LARS2: variants seen among roughly 807,000 people sequenced by gnomAD.
LARS2 encodes the protein leucine--tRNA ligase, mitochondrial.
LARS2 carries 81 observed loss-of-function variants against 116.6 expected under a neutral mutation model. The observed-to-expected ratio is 0.69, with a 90% confidence interval of 0.58 to 0.84. LARS2 has a LOEUF of 0.84. LARS2 is among the 40% of genes least tolerant of loss of function. The probability of loss-of-function intolerance (pLI) is 0.00; values close to 1 mark genes in which losing one functional copy is unlikely to be tolerated. For missense variants in LARS2, 968 were observed against 1,114.5 expected (o/e 0.87, Z 1.87); for synonymous variants, 396 against 407.2 (o/e 0.97, Z 0.33).
chr3:45,535,770 C>A (rs2578667), intron 20 of LARS2, among the ~76,000 whole-genome samples: 84,235 of 126,274 alleles, frequency 0.67, 24,635 homozygotes, highest in East Asian at 0.81. Flanking sequence ...ACACACACCC[C>A]CACACCCACA....
chr3:45,481,385 G>T (rs1308769536), intron 10 of LARS2, among the ~76,000 whole-genome samples: 1 of 152,108 alleles, frequency 6.6e-6, no homozygotes, highest in Non-Finnish European at 1.5e-5. Context: ...TATACCTAGG[G>T]GTAGAATTGC....
rs920272451 is a variant in LARS2, at chr3:45,548,388, G to A, written c.*858G>A. ...AACCTCAGAGCCCCACCGCAGCCCA[G>A]TAGGGATGCAGCACGCCCCAGAGGG... On this transcript the variant is annotated 3_prime_UTR_variant, in exon 22 of 22. Transcript: ENST00000645846. The A allele has an allele frequency of 6.6e-6, 1 of 152,332 alleles. No homozygotes were observed. The highest frequency in any genetic ancestry group is 2.1e-4 in the South Asian group (1 of 4,836). The allele number at this position is 152,332 out of a possible 1,614,324, so 9.4% of individuals were successfully genotyped here.
intron 6 of LARS2, among the ~76,000 whole-genome samples, chr3:45,420,763 T>A (rs1284018807): frequency 1.3e-5 from 2 of 152,134 alleles, no homozygotes; most frequent in African/African-American, 4.8e-5. Flanking sequence ...TGTTGACTCC[T>A]TGAGGGCAAA....
intron 15 of LARS2, among the ~76,000 whole-genome samples, 180 bp from the exon 16 acceptor site, chr3:45,512,955 T>C (rs566324328): frequency 6.6e-6 from 1 of 152,322 alleles, no homozygotes; most frequent in South Asian, 2.1e-4. Flanking sequence ...ATTTATTTTC[T>C]TATCACTTAT....
chr3:45,534,878 G>A (rs781340341), intron 20 of LARS2, among the ~76,000 whole-genome samples: 1 of 152,144 alleles, frequency 6.6e-6, no homozygotes, highest in Non-Finnish European at 1.5e-5. Context: ...TGAAGCTTCG[G>A]ATCTGAGAAG....
chr3:45,440,121 G>C (rs1175068699), intron 6 of LARS2, among the ~76,000 whole-genome samples: 1 of 152,140 alleles, frequency 6.6e-6, no homozygotes, highest in Admixed American at 6.5e-5. Flanking sequence ...CTCTTCCAAC[G>C]CCGCAGGTGT....
chr3:45,524,808 A>G (rs1286417172), intron 20 of LARS2, among the ~76,000 whole-genome samples: 1 of 152,234 alleles, frequency 6.6e-6, no homozygotes, highest in Non-Finnish European at 1.5e-5. Flanking sequence ...ATCTCTCCTA[A>G]TTAAATTTAC....
Position 45,493,660 on chromosome 3 carries a change from G to A in LARS2, c.1523+1860G>A, listed in dbSNP as rs114861814. On this transcript the variant is annotated intron_variant, in intron 13 of 21. Transcript: ENST00000645846. ...TGAGATAATACTTCTGCGGTACTTG[G>A]CTCAGTTCCTACTACCCAGTATTAT... Among the ~76,000 whole-genome samples the A allele has an allele frequency of 2.1e-3, 313 of 152,180 alleles. 2 individuals are homozygous for A. Among genetic ancestry groups the A allele is most frequent in the Non-Finnish European group, 2.8e-3 (191 of 67,990 alleles).
At chr3:45,454,418 C>A (rs1044626091) in intron 7 of LARS2, among the ~76,000 whole-genome samples, 7 of 129,030 alleles carry the variant, frequency 5.4e-5, no homozygotes, top group African/African-American at 1.7e-4. Flanking sequence ...TAATGTTTAA[C>A]CCTTTAATAA....
In LARS2 at chr3:45,411,812, A is replaced by G. The variant is rs185678385; in HGVS notation, c.364-5670A>G. Among the ~76,000 whole-genome samples the G allele has an allele frequency of 8.1e-4, 123 of 152,244 alleles. 1 individual carries two copies. Among genetic ancestry groups the G allele is most frequent in the African/African-American group, 2.9e-3 (121 of 41,546 alleles). The stretch of plus-strand genomic sequence containing the variant: ...ACCCAGATACTAAGCCTAGTACCCA[A>G]TAGTTATTTTTTCTGCTCCTCTCCC... On this transcript the variant is annotated intron_variant, in intron 4 of 21. Coordinates refer to ENST00000645846, the MANE Select transcript of LARS2 (RefSeq NM_015340.4).
chr3:45,430,583 CTTTTTT>C (rs35964512), intron 6 of LARS2, among the ~76,000 whole-genome samples: 4 of 90,402 alleles, frequency 4.4e-5, no homozygotes, highest in African/African-American at 4.3e-5. Context: ...CCCGGCCAAT[CTTTTTT>C]TTTTTTTTTT....
chr3:45,505,497 G>T lies in LARS2; in HGVS notation c.1760+4918G>T, dbSNP rs183382194. Among the ~76,000 whole-genome samples, 22 of 151,634 alleles carry T rather than the reference G, an allele frequency of 1.5e-4. No individual in the cohort carries two copies. In the East Asian group the frequency reaches 4.1e-3, roughly 28 times the overall value. On this transcript the variant is annotated intron_variant, in intron 15 of 21. Transcript: ENST00000645846. ...GGCCATGAGTTTGAGACCAGCCTAG[G>T]CAACGTAGTGAGACTCCATCTGTTA...
At chr3:45,458,947 G>C (rs750718459) in intron 8 of LARS2, 61 bp downstream of exon 8, 127 of 1,559,192 alleles carry the variant, frequency 8.1e-5, no homozygotes, top group Non-Finnish European at 1.0e-4. Flanking sequence ...AACACCAAAG[G>C]CTTCTGGGTA....
intron 6 of LARS2, among the ~76,000 whole-genome samples, chr3:45,444,596 G>A (rs1334242737): frequency 1.5e-5 from 2 of 136,644 alleles, no homozygotes; most frequent in Non-Finnish European, 3.1e-5. Flanking sequence ...CCCGGGAGGC[G>A]GAGCTTGCAG....
chr3:45,488,858 C>G (rs1202400159), intron 12 of LARS2, 46 bp downstream of exon 12: 1 of 1,185,654 alleles, frequency 8.4e-7, no homozygotes, highest in Non-Finnish European at 1.3e-6. Context: ...CTTGATACGA[C>G]TTTGATAGAC....
chr3:45,458,346 G>C (rs1259921496), intron 7 of LARS2, among the ~76,000 whole-genome samples: 3 of 152,120 alleles, frequency 2.0e-5, no homozygotes, highest in Admixed American at 6.5e-5. Context: ...CAGAGTCATT[G>C]CATTTGCAGG....
chr3:45,451,136 T>C (rs2125706563), intron 7 of LARS2, among the ~76,000 whole-genome samples: 1 of 152,296 alleles, frequency 6.6e-6, no homozygotes, highest in South Asian at 2.1e-4. Flanking sequence ...GAATATTTTT[T>C]CCCCTTCTGT....
chr3:45,428,837 T>C (rs1370168998), intron 6 of LARS2, among the ~76,000 whole-genome samples: 1 of 152,078 alleles, frequency 6.6e-6, no homozygotes, highest in Non-Finnish European at 1.5e-5. Flanking sequence ...ATTGCTGTAT[T>C]CGCTTTATCT....
At chr3:45,417,637 T>C in intron 5 of LARS2, 64 bp downstream of exon 5, 2 of 1,118,050 alleles carry the variant, frequency 1.8e-6, no homozygotes, top group East Asian at 2.4e-5. Context: ...TTTTTTAACC[T>C]GTGCTTAAAA....
Sources: gnomAD v4.1 joint callset for allele counts (sites outside exome capture counted in the v4.1 genomes callset) on GRCh38, gnomAD v4.1.1 for gene constraint, MANE v1.5 for transcripts, NCBI Gene and HGNC (gene_info 2026-07-23, HGNC 2026-07-21) for gene names.